MARK1: variants seen among roughly 807,000 people sequenced by gnomAD.
MARK1 encodes the protein serine/threonine-protein kinase MARK1.
Under a neutral mutation model 96.3 loss-of-function variants are expected in MARK1, and 40 were observed. That is an observed-to-expected ratio of 0.42 (90% CI 0.32 to 0.54). The LOEUF (loss-of-function observed/expected upper bound fraction) is 0.54. MARK1 is among the 20% of genes least tolerant of loss of function. MARK1 has a pLI of 0.16. For missense variants in MARK1, 719 were observed against 984.6 expected (o/e 0.73, Z 3.61); for synonymous variants, 317 against 341.2 (o/e 0.93, Z 0.78).
At chr1:220,619,291 G>T (rs1044510694) in intron 9 of MARK1, among the ~76,000 whole-genome samples, 4 of 152,094 alleles carry the variant, frequency 2.6e-5, no homozygotes, top group African/African-American at 9.7e-5. Context: ...TTGCTAACAT[G>T]GTGAAACCCT....
At chr1:220,561,027 T>C (rs556253749) in intron 1 of MARK1, among the ~76,000 whole-genome samples, 1 of 152,112 alleles carries the variant, frequency 6.6e-6, no homozygotes, top group East Asian at 1.9e-4. Flanking sequence ...CAAGCAAATA[T>C]GGAAGAGAGT....
intron 1 of MARK1, among the ~76,000 whole-genome samples, chr1:220,544,154 C>G (rs949106605): frequency 2.0e-5 from 3 of 152,152 alleles, no homozygotes; most frequent in African/African-American, 7.2e-5. Context: ...TCATGTTCTT[C>G]CCTTCCCTTT....
chr1:220,601,013 G>C (rs953071757), intron 5 of MARK1, among the ~76,000 whole-genome samples: 1 of 151,682 alleles, frequency 6.6e-6, no homozygotes, highest in Non-Finnish European at 1.5e-5. Flanking sequence ...CGCCTCCCAG[G>C]TTCACTCCAT....
In MARK1 at chr1:220,654,618, T is replaced by C. The variant is rs561738757; in HGVS notation, c.1988+1266T>C. ...CAACAGAGTCAGCATGGAAGTTAGA[T>C]CATAGTGTTAGCCGGCCATCTGCAG... is the stretch of plus-strand genomic sequence containing the variant. On this transcript the variant is annotated intron_variant, in intron 16 of 17. Transcript: ENST00000366917. This position sits in a 1 kb window ranked among gnomAD's most constrained non-coding sequence, Gnocchi z 4.0. Among the ~76,000 whole-genome samples the C allele has an allele frequency of 3.9e-5, 6 of 152,214 alleles. No homozygotes were observed. Among genetic ancestry groups the C allele is most frequent in the African/African-American group, 1.4e-4 (6 of 41,454 alleles).
intron 1 of MARK1, among the ~76,000 whole-genome samples, chr1:220,543,275 GTTCT>G (rs1031067143): frequency 1.3e-5 from 2 of 152,114 alleles, no homozygotes; most frequent in Non-Finnish European, 2.9e-5. Flanking sequence ...CAGTCTTTCA[GTTCT>G]TTATCACAAA....
intron 13 of MARK1, among the ~76,000 whole-genome samples, chr1:220,642,301 T>C (rs1180762823): frequency 3.9e-5 from 6 of 152,190 alleles, no homozygotes; most frequent in Admixed American, 3.9e-4. Flanking sequence ...CCCCTGCCAG[T>C]GTTAGGGAGG....
intron 9 of MARK1, chr1:220,626,228 C>G: frequency 1.9e-6 from 1 of 538,178 alleles, no homozygotes; most frequent in Non-Finnish European, 3.6e-6. Flanking sequence ...GAACTGCTAA[C>G]CTATCACCAG....
chr1:220,663,816 T>C lies in MARK1; in HGVS notation c.*1650T>C, dbSNP rs937538882. The C allele has an allele frequency of 1.3e-5, 2 of 152,552 alleles. No individual in the cohort carries two copies. Among genetic ancestry groups the C allele is most frequent in the Admixed American group, 1.3e-4 (2 of 15,262 alleles). The allele number at this position is 152,552 out of a possible 1,614,324, so 9.4% of individuals were successfully genotyped here. ...AAAAAAAAAATGTGTAGCCCCTTTT[T>C]AACCTAGTGTTCATTCAAAAAAAAA... On this transcript the variant is annotated 3_prime_UTR_variant, in exon 18 of 18. Coordinates refer to ENST00000366917, the MANE Select transcript of MARK1 (RefSeq NM_018650.5).
intron 1 of MARK1, among the ~76,000 whole-genome samples, chr1:220,575,704 T>A (rs1663782815): frequency 6.6e-6 from 1 of 152,034 alleles, no homozygotes. Flanking sequence ...ATTTAAGACA[T>A]ATAAATGTAT....
rs1411923702 is a variant in MARK1, at chr1:220,555,970, A to G, written c.52-23384A>G. On this transcript the variant is annotated intron_variant, in intron 1 of 17. Transcript: ENST00000366917. ...CTTAAAATATAATTTCTGAAAGTTT[A>G]TTAACTACATAACTGAGCTTTAAAG... 2.0e-5 allele frequency among the ~76,000 whole-genome samples: 3 copies of G among 152,232 alleles called. No individual in the cohort carries two copies. In the East Asian group the frequency reaches 5.8e-4, roughly 29 times the overall value.
chr1:220,543,368 A>G (rs559847064), intron 1 of MARK1, among the ~76,000 whole-genome samples: 1 of 152,340 alleles, frequency 6.6e-6, no homozygotes, highest in South Asian at 2.1e-4. Flanking sequence ...CTAATCACTG[A>G]AAAGTTTGTA....
At chr1:220,632,444 A>C in intron 11 of MARK1, 131 bp downstream of exon 11, 2 of 452,400 alleles carry the variant, frequency 4.4e-6, no homozygotes, top group East Asian at 3.5e-5. Flanking sequence ...GAATTCAAAA[A>C]TCAAGATGTT....
rs759453013 is a variant in MARK1, at chr1:220,653,374, T to C, written c.1988+22T>C. ...GCAGGTCAGTACCAATGTACTGTCGTGTTTTGATTCCTCTAGAAATTATAA... is the reference window on the plus strand; with the variant it reads ...GCAGGTCAGTACCAATGTACTGTCGCGTTTTGATTCCTCTAGAAATTATAA... On this transcript the variant is annotated intron_variant, in intron 16 of 17. Transcript: ENST00000366917. The C allele has an allele frequency of 5.0e-6, 8 of 1,606,062 alleles. No homozygotes were observed. The Admixed American group carries it at 1.3e-4, about 27-fold the overall frequency.
intron 1 of MARK1, among the ~76,000 whole-genome samples, chr1:220,550,225 T>C (rs1661768072): frequency 6.6e-6 from 1 of 152,232 alleles, no homozygotes; most frequent in Admixed American, 6.5e-5. Flanking sequence ...GAAGATAATT[T>C]TCATAATGTC....
intron 1 of MARK1, among the ~76,000 whole-genome samples, chr1:220,537,483 A>G (rs1430611801): frequency 1.3e-5 from 2 of 150,886 alleles, no homozygotes; most frequent in East Asian, 2.0e-4. Flanking sequence ...ACTCCAGTCT[A>G]TCATTGTTGG....
At chr1:220,553,050 G>GA (rs1432632378) in intron 1 of MARK1, among the ~76,000 whole-genome samples, 2 of 152,296 alleles carry the variant, frequency 1.3e-5, no homozygotes, top group Admixed American at 1.3e-4. Flanking sequence ...GAGAGTAACT[G>GA]ATGTATACAG....
intron 1 of MARK1, among the ~76,000 whole-genome samples, chr1:220,536,984 T>C (rs1216722784): frequency 2.0e-5 from 3 of 151,038 alleles, no homozygotes; most frequent in Non-Finnish European, 4.4e-5. Flanking sequence ...CTATTGTTAT[T>C]TTTTTTTTTC....
At chr1:220,556,486 A>AC (rs1491229281) in intron 1 of MARK1, among the ~76,000 whole-genome samples, 11 of 13,808 alleles carry the variant, frequency 8.0e-4, no homozygotes, top group Non-Finnish European at 1.0e-3. Flanking sequence ...GGACTGTCAC[A>AC]AAAAAAAAAA....
At chr1:220,558,796 G>A (rs779779684) in intron 1 of MARK1, among the ~76,000 whole-genome samples, 3 of 151,960 alleles carry the variant, frequency 2.0e-5, no homozygotes, top group Non-Finnish European at 4.4e-5. Context: ...AGCAAAACTT[G>A]AACAAGCAAA....
Sources: allele counts gnomAD v4.1 joint callset (sites outside exome capture counted in the v4.1 genomes callset), GRCh38; gene constraint gnomAD v4.1.1; non-coding constraint Gnocchi (gnomAD v3.1); transcripts MANE v1.5; gene names NCBI Gene and HGNC (gene_info 2026-07-23, HGNC 2026-07-21).